Variants in FAT3 observed in about 807,000 individuals in gnomAD.
FAT3 encodes protocadherin Fat 3.
FAT3 carries 95 observed loss-of-function variants against 310.2 expected under a neutral mutation model. The ratio of observed to expected loss-of-function variants is 0.31; its 90% CI spans 0.26 to 0.36. The LOEUF (loss-of-function observed/expected upper bound fraction) is 0.36, where lower values mean the gene tolerates loss of function less well. Ranked by LOEUF, FAT3 falls within the 10% of genes least tolerant of loss-of-function variation. The probability of loss-of-function intolerance (pLI) is 1.00; values close to 1 mark genes in which losing one functional copy is unlikely to be tolerated. For missense variants in FAT3, 5,408 were observed against 5,715.6 expected, an observed-to-expected ratio of 0.95 and a Z score of 1.74; for synonymous variants, 2,314 against 2,192.9, an observed-to-expected ratio of 1.06 and a Z score of -1.54.
Position 92,883,495 on chromosome 11 carries a change from A to T in FAT3, c.12937+102A>T. 7.2e-7 allele frequency: 1 copy of T among 1,397,868 alleles called. No individual in the cohort carries two copies. The highest frequency in any genetic ancestry group is 9.6e-7 in the Non-Finnish European group (1 of 1,042,106). 86.6% of individuals were successfully genotyped at this position (1,397,868 alleles called of 1,614,324 possible). A position where few individuals can be genotyped will look rare whatever the true frequency, so the allele number is the denominator to read the frequency against. On this transcript the variant is annotated intron_variant, in intron 24 of 27. Transcript: ENST00000525166. This position sits in a 1 kb window ranked among gnomAD's most constrained non-coding sequence, Gnocchi z 4.2. ...GAAGGGAGAGAGACCCCGCATGCAGAGCATTCGCTATGACATGTGCTGATG... is the reference window on the plus strand; with the variant it reads ...GAAGGGAGAGAGACCCCGCATGCAGTGCATTCGCTATGACATGTGCTGATG...
chr11:92,479,385 C>T (rs1418794271), intron 2 of FAT3, among the ~76,000 whole-genome samples: 1 of 151,956 alleles, frequency 6.6e-6, no homozygotes, highest in Non-Finnish European at 1.5e-5. Context: ...CCAAATACAG[C>T]GACTCCAAAG....
chr11:92,483,083 T>C (rs1439186773), intron 2 of FAT3, among the ~76,000 whole-genome samples: 1 of 152,156 alleles, frequency 6.6e-6, no homozygotes, highest in Middle Eastern at 3.2e-3. Flanking sequence ...ATAAATAAAC[T>C]GAGAGATGTT....
chr11:92,369,431 G>A (rs7124678), intron 2 of FAT3, among the ~76,000 whole-genome samples: 54,349 of 152,068 alleles, frequency 0.36, 14,130 homozygotes, highest in African/African-American at 0.74. Flanking sequence ...TCTCTTGTAT[G>A]TTACTGAACC....
At chr11:92,548,677 A>G (rs941995207) in intron 3 of FAT3, among the ~76,000 whole-genome samples, 2 of 152,220 alleles carry the variant, frequency 1.3e-5, no homozygotes, top group Non-Finnish European at 2.9e-5. Context: ...CTAGAAACCT[A>G]TAGCAGTGTA....
At chr11:92,312,758 A>G (rs1324639841) in intron 1 of FAT3, among the ~76,000 whole-genome samples, 1 of 152,212 alleles carries the variant, frequency 6.6e-6, no homozygotes, top group Non-Finnish European at 1.5e-5. Context: ...ACCTAGATCC[A>G]TACATGTCGG....
In FAT3 at chr11:92,399,116, G is replaced by A. The variant is rs115197428; in HGVS notation, c.3292+43712G>A. 1.7e-3 allele frequency among the ~76,000 whole-genome samples: 258 copies of A among 152,092 alleles called. 2 individuals carry two copies. Among genetic ancestry groups the A allele is most frequent in the African/African-American group, 6.1e-3 (252 of 41,484 alleles). Reference sequence around the variant, plus strand: ...AACCAAATAATTCAGTGAAAGTGTGGGATTATTAGCAATTACATACACATA... The same window carrying A: ...AACCAAATAATTCAGTGAAAGTGTGAGATTATTAGCAATTACATACACATA... On this transcript the variant is annotated intron_variant, in intron 2 of 27. Transcript: ENST00000525166.
At position 92,801,722 on chromosome 11, in the gene FAT3, T is replaced by G. The variant is rs1256885699; in HGVS notation, c.8709T>G (p.Ser2903=). 1 of 1,613,938 alleles carries G rather than the reference T, an allele frequency of 6.2e-7. No homozygotes were observed. Among genetic ancestry groups the G allele is most frequent in the Admixed American group, 1.7e-5 (1 of 60,012 alleles). The change falls in exon 10 of 28, where the codon TCT becomes TCG. Residue 2903 remains serine, a synonymous_variant. Coordinates refer to ENST00000525166, the MANE Select transcript of FAT3 (RefSeq NM_001367949.2). ...VVASDLGEAF[S]LSSTALVSVR... ...CCTCTGACCTTGGAGAGGCATTCTC[T>G]CTTTCCTCCACGGCCTTGGTCTCTG...
At chr11:92,786,636 C>T (rs1258487953) in intron 7 of FAT3, among the ~76,000 whole-genome samples, 1 of 151,998 alleles carries the variant, frequency 6.6e-6, no homozygotes, top group Non-Finnish European at 1.5e-5. Flanking sequence ...AACAAACATT[C>T]TTATATATTA....
rs748678919 is a variant in FAT3, at chr11:92,762,026, A to G, written c.3840A>G (p.Ala1280=). The part of the protein sequence containing the change: ...KRGEPIYRAF[A]FDRDEGPNAE... ...GAGAACCGATTTACAGGGCTTTTGC[A>G]TTTGATAGAGATGAGGGCCCCAACG... Residue 1280 remains alanine, a synonymous_variant, in exon 5 of 28, where the codon GCA becomes GCG. Coordinates refer to ENST00000525166, the MANE Select transcript of FAT3 (RefSeq NM_001367949.2). The G allele has an allele frequency of 2.5e-6, 4 of 1,613,986 alleles. No homozygotes were observed. Among genetic ancestry groups the G allele is most frequent in the Admixed American group, 3.3e-5 (2 of 60,028 alleles).
chr11:92,664,018 C>G (rs1027951885), intron 3 of FAT3, among the ~76,000 whole-genome samples: 36 of 152,178 alleles, frequency 2.4e-4, no homozygotes, highest in African/African-American at 8.7e-4. Flanking sequence ...CACGACCCAC[C>G]CTCCCCCAAA....
chr11:92,354,277 G>T lies in FAT3; in HGVS notation c.2165G>T (p.Gly722Val), dbSNP rs1270835037. ...FLDFYSINRQ[G>V]PYFDKSFPSD... ...GACTTTTATTCAATTAATAGACAGGGACCATATTTTGACAAGTCTTTTCCT... is the reference window on the plus strand; with the variant it reads ...GACTTTTATTCAATTAATAGACAGGTACCATATTTTGACAAGTCTTTTCCT... Residue 722 changes from glycine (G) to valine (V), a missense_variant, in exon 2 of 28, where the codon GGA becomes GTA. Physicochemically the swap from Gly to Val is moderately radical, Grantham distance 109 (BLOSUM62 -3). Coordinates refer to ENST00000525166, the MANE Select transcript of FAT3 (RefSeq NM_001367949.2). 4 of 1,613,546 alleles carry T rather than the reference G, an allele frequency of 2.5e-6. No homozygotes were observed. Among genetic ancestry groups the T allele is most frequent in the East Asian group, 2.2e-5 (1 of 44,892 alleles).
intron 2 of FAT3, chr11:92,367,125 C>T: frequency 2.4e-6 from 1 of 417,164 alleles, no homozygotes; most frequent in Non-Finnish European, 4.7e-6. Flanking sequence ...CCAGTGCCTG[C>T]CTGTAGCACT....
chr11:92,727,623 G>T (rs984679632), intron 4 of FAT3, among the ~76,000 whole-genome samples: 4 of 152,152 alleles, frequency 2.6e-5, no homozygotes, highest in African/African-American at 7.2e-5. Flanking sequence ...TGGCGTGGTA[G>T]GTTTGCAGAA....
intron 3 of FAT3, among the ~76,000 whole-genome samples, chr11:92,669,740 C>A (rs1943073587): frequency 6.6e-6 from 1 of 152,154 alleles, no homozygotes; most frequent in South Asian, 2.1e-4. Flanking sequence ...CCAATTCCAG[C>A]CCAATCACTT....
chr11:92,623,981 A>C (rs1941210655), intron 3 of FAT3, among the ~76,000 whole-genome samples: 1 of 152,218 alleles, frequency 6.6e-6, no homozygotes, highest in Non-Finnish European at 1.5e-5. Flanking sequence ...CCCGTATAAC[A>C]GATATTTATG....
chr11:92,732,923 A>C (rs1027906548), intron 4 of FAT3, among the ~76,000 whole-genome samples: 1 of 152,180 alleles, frequency 6.6e-6, no homozygotes, highest in African/African-American at 2.4e-5. Context: ...AAAGGTGATA[A>C]AGGACCACTT....
chr11:92,797,517 A>T (rs1222536867), intron 9 of FAT3, among the ~76,000 whole-genome samples: 3 of 152,212 alleles, frequency 2.0e-5, no homozygotes, highest in African/African-American at 4.8e-5. Flanking sequence ...ATACATTCTT[A>T]GCAGAAAGAT....
chr11:92,611,600 G>T (rs1040643406), intron 3 of FAT3, among the ~76,000 whole-genome samples: 1 of 151,976 alleles, frequency 6.6e-6, no homozygotes, highest in South Asian at 2.1e-4. Flanking sequence ...TGCCATGTTA[G>T]CCAGGCTGGT....
chr11:92,294,052 A>G (rs1591065917), intron 1 of FAT3, among the ~76,000 whole-genome samples: 1 of 152,022 alleles, frequency 6.6e-6, no homozygotes, highest in African/African-American at 2.4e-5. Context: ...GAACTAAACA[A>G]TGGATATATT....
Sources: allele counts gnomAD v4.1 joint callset (sites outside exome capture counted in the v4.1 genomes callset), GRCh38; gene constraint gnomAD v4.1.1; non-coding constraint Gnocchi (gnomAD v3.1); transcripts MANE v1.5; gene names NCBI Gene and HGNC (gene_info 2026-07-23, HGNC 2026-07-21).